The following DPP6 variants were observed in gnomAD, a reference collection of about 807,000 sequenced individuals.
The protein encoded by DPP6 is A-type potassium channel modulatory protein DPP6.
In DPP6, 69 loss-of-function variants were observed where a neutral mutation model predicts 122.6. The ratio of observed to expected loss-of-function variants is 0.56; its 90% CI spans 0.46 to 0.69. The LOEUF (loss-of-function observed/expected upper bound fraction) is 0.69, where lower values mean the gene tolerates loss of function less well. Among genes scored for constraint, DPP6 ranks in the 30% least tolerant of loss-of-function variants. The pLI, the probability that DPP6 is intolerant of heterozygous loss-of-function variation, is 0.00. For missense variants in DPP6, 928 were observed against 1,116.9 expected (o/e 0.83, Z 2.41); for synonymous variants, 418 against 433.1 (o/e 0.97, Z 0.43).
chr7:153,806,845 G>A, the DPP6 span, among the ~76,000 whole-genome samples: 1 of 141,870 alleles, frequency 7.0e-6, no homozygotes, highest in South Asian at 2.2e-4. Context: ...AAAGGCAGGG[G>A]CAAAAAGAAT....
intron 8 of DPP6, among the ~76,000 whole-genome samples, chr7:154,753,336 A>C (rs952869558): frequency 5.3e-5 from 8 of 152,112 alleles, no homozygotes; most frequent in African/African-American, 1.9e-4. Flanking sequence ...AGCAGTGACC[A>C]CATCCACACA....
At chr7:154,416,433 G>A (rs1491840) in intron 1 of DPP6, among the ~76,000 whole-genome samples, 27,934 of 152,094 alleles carry the variant, frequency 0.18, 3,670 homozygotes, top group African/African-American at 0.36. Context: ...TACAGTACAG[G>A]AAGATATTTT....
intron 16 of DPP6, among the ~76,000 whole-genome samples, chr7:154,825,561 A>T (rs1800088124): frequency 6.6e-6 from 1 of 152,188 alleles, no homozygotes; most frequent in Admixed American, 6.5e-5. Flanking sequence ...TGTGAGGAAA[A>T]GAGAATGCTG....
intron 1 of DPP6, among the ~76,000 whole-genome samples, chr7:153,910,221 ACTTT>A (rs1386443175): frequency 3.9e-5 from 5 of 127,120 alleles, no homozygotes; most frequent in South Asian, 2.4e-4. Flanking sequence ...TTTTTTGACC[ACTTT>A]CTTTCTTTCT....
the DPP6 span, among the ~76,000 whole-genome samples, chr7:153,806,295 T>C: frequency 1.3e-5 from 2 of 152,156 alleles, no homozygotes; most frequent in South Asian, 4.1e-4. Flanking sequence ...GGGACCCTCA[T>C]GGAAGTCCCC....
intron 6 of DPP6, among the ~76,000 whole-genome samples, chr7:154,669,026 A>G (rs1231945578): frequency 6.6e-6 from 1 of 152,202 alleles, no homozygotes; most frequent in Admixed American, 6.5e-5. Flanking sequence ...AGATCACTGC[A>G]TGGTTCTGCA....
chr7:154,288,183 C>T (rs922782606), intron 1 of DPP6, among the ~76,000 whole-genome samples: 7 of 152,206 alleles, frequency 4.6e-5, no homozygotes, highest in Admixed American at 1.3e-4. Flanking sequence ...TTCCTGATTC[C>T]TCCTCCAGTG....
intron 1 of DPP6, among the ~76,000 whole-genome samples, chr7:154,080,965 A>G (rs1250346381): frequency 1.3e-5 from 2 of 152,122 alleles, no homozygotes; most frequent in African/African-American, 4.8e-5. Context: ...CTCTGTATGT[A>G]AAACAGCTGA....
At chr7:153,898,587 A>G (rs1448480137) in intron 1 of DPP6, among the ~76,000 whole-genome samples, 1 of 152,232 alleles carries the variant, frequency 6.6e-6, no homozygotes, top group East Asian at 1.9e-4. Flanking sequence ...ATGTATAATT[A>G]TTATGTATCA....
At chr7:153,999,136 T>C (rs545208351) in intron 1 of DPP6, among the ~76,000 whole-genome samples, 2 of 152,130 alleles carry the variant, frequency 1.3e-5, no homozygotes, top group Non-Finnish European at 2.9e-5. Flanking sequence ...ACCACTTGAG[T>C]TGAGTTTGTC....
intron 1 of DPP6, among the ~76,000 whole-genome samples, chr7:153,924,186 G>A (rs1800781919): frequency 6.6e-6 from 1 of 151,740 alleles, no homozygotes; most frequent in Non-Finnish European, 1.5e-5. Flanking sequence ...CGCGATCCCT[G>A]TGATCTCCGC....
At chr7:154,536,960 G>A (rs973438273) in intron 3 of DPP6, among the ~76,000 whole-genome samples, 1 of 152,000 alleles carries the variant, frequency 6.6e-6, no homozygotes, top group African/African-American at 2.4e-5. Flanking sequence ...TTTTTTAAAG[G>A]AAAATTCAAA....
rs545162918 is a variant in DPP6, at chr7:154,631,585, T to C, written c.628-6236T>C. On this transcript the variant is annotated intron_variant, in intron 5 of 25. Coordinates refer to ENST00000377770, the MANE Select transcript of DPP6 (RefSeq NM_130797.4). ...GGGAGGCCGAGGCAGGAGAATCACTTGAGCATGGGAGGCAGTGGTTGCGGT... is the reference window on the plus strand; with the variant it reads ...GGGAGGCCGAGGCAGGAGAATCACTCGAGCATGGGAGGCAGTGGTTGCGGT... 3.0e-4 allele frequency among the ~76,000 whole-genome samples: 46 copies of C among 152,018 alleles called. 1 individual carries two copies. The South Asian group carries it at 9.1e-3, about 30-fold the overall frequency.
At chr7:154,834,587 C>T (rs1051465777) in intron 16 of DPP6, among the ~76,000 whole-genome samples, 13 of 152,178 alleles carry the variant, frequency 8.5e-5, no homozygotes, top group East Asian at 7.7e-4. Context: ...CTTTTAGAAA[C>T]GACACTATTG....
At chr7:154,530,850 C>T (rs2130111880) in intron 3 of DPP6, among the ~76,000 whole-genome samples, 1 of 152,224 alleles carries the variant, frequency 6.6e-6, no homozygotes, top group South Asian at 2.1e-4. Flanking sequence ...TCTTCAGGGA[C>T]ATGGATGGAG....
At chr7:154,779,077 C>A (rs111219414) in intron 10 of DPP6, among the ~76,000 whole-genome samples, 3 of 1,210 alleles carry the variant, frequency 2.5e-3, no homozygotes, top group Admixed American at 8.9e-3. Context: ...TCACCTCCAT[C>A]ACCTCCACAA....
chr7:154,513,934 A>C (rs574357177), intron 3 of DPP6, among the ~76,000 whole-genome samples: 39 of 152,262 alleles, frequency 2.6e-4, no homozygotes, highest in South Asian at 1.9e-3. Context: ...TTTATTTCTA[A>C]AGCTGTGATT....
At position 154,004,476 on chromosome 7, in the gene DPP6, G is replaced by C. The variant is rs867958748; in HGVS notation, c.51+116742G>C. Among the ~76,000 whole-genome samples, 11 of 151,910 alleles carry C rather than the reference G, an allele frequency of 7.2e-5. No homozygotes were observed. The South Asian group carries it at 2.3e-3, about 32-fold the overall frequency. ...AGGCATAATATATCCAAAGTGTAAAGTCTTTGGAAACTCTCGATGAAGGAA... is the reference window on the plus strand; with the variant it reads ...AGGCATAATATATCCAAAGTGTAAACTCTTTGGAAACTCTCGATGAAGGAA... On this transcript the variant is annotated intron_variant, in intron 1 of 25. Coordinates refer to the DPP6 transcript ENST00000404039.
the DPP6 span, among the ~76,000 whole-genome samples, chr7:153,756,900 C>T: frequency 6.6e-6 from 1 of 152,176 alleles, no homozygotes; most frequent in East Asian, 1.9e-4. Flanking sequence ...TAAGCTCATA[C>T]ATAAGTTAAG....
Sources: allele counts gnomAD v4.1 joint callset (sites outside exome capture counted in the v4.1 genomes callset), GRCh38; gene constraint gnomAD v4.1.1; transcripts MANE v1.5; gene names NCBI Gene and HGNC (gene_info 2026-07-23, HGNC 2026-07-21).